CDH2: variants seen among roughly 807,000 people sequenced by gnomAD.
CDH2 encodes the protein cadherin 2.
In CDH2, 17 loss-of-function variants were observed where a neutral mutation model predicts 92.0. That is an observed-to-expected ratio of 0.18 (90% CI 0.13 to 0.28). The LOEUF (loss-of-function observed/expected upper bound fraction) is 0.28. Ranked by LOEUF, CDH2 falls within the 10% of genes least tolerant of loss-of-function variation. The probability of loss-of-function intolerance (pLI) is 1.00; values close to 1 mark genes in which losing one functional copy is unlikely to be tolerated. For synonymous variants in CDH2, 419 were observed against 415.9 expected, an observed-to-expected ratio of 1.01 and a Z score of -0.09; for missense variants, 862 against 1,133.1, an observed-to-expected ratio of 0.76 and a Z score of 3.44.
intron 2 of CDH2, among the ~76,000 whole-genome samples, chr18:28,110,115 T>C (rs2015387239): frequency 2.0e-5 from 3 of 152,206 alleles, no homozygotes; most frequent in Non-Finnish European, 4.4e-5. Context: ...GAACTTGGTG[T>C]TGCCCATGTA....
intron 14 of CDH2, among the ~76,000 whole-genome samples, chr18:27,980,085 C>A (rs770695175): frequency 6.3e-4 from 96 of 152,164 alleles, no homozygotes; most frequent in Admixed American, 2.4e-3. Context: ...AGATCCACAG[C>A]TGCTTTTATC....
Position 28,056,041 on chromosome 18 carries a change from C to A in CDH2, c.173-42132G>T, listed in dbSNP as rs17535692. 1.4e-3 allele frequency among the ~76,000 whole-genome samples: 209 copies of A among 150,970 alleles called. 2 individuals are homozygous for A. The highest frequency in any genetic ancestry group is 4.8e-3 in the African/African-American group (197 of 41,140). The stretch of plus-strand genomic sequence containing the variant: ...ACTCCATATTCGGGGAAAGTAAACA[C>A]GTTTTTGGTAAGTGAAGCTATGAGG... On this transcript the variant is annotated intron_variant, in intron 2 of 15. Coordinates refer to ENST00000269141, the MANE Select transcript of CDH2 (RefSeq NM_001792.5).
rs3833200 is a variant in CDH2, at chr18:28,177,057, A to AGGCGGCGGC, written c.-44_-36dup. 1,114 of 1,302,440 alleles carry AGGCGGCGGC rather than the reference A, an allele frequency of 8.6e-4. 7 individuals are homozygous for AGGCGGCGGC. The highest frequency in any genetic ancestry group is 5.1e-3 in the African/African-American group (323 of 63,050). 80.7% of individuals were successfully genotyped at this position (1,302,440 alleles called of 1,614,324 possible). A position where few individuals can be genotyped will look rare whatever the true frequency, so the allele number is the denominator to read the frequency against. On this transcript the variant is annotated 5_prime_UTR_variant, in exon 1 of 16. Transcript: ENST00000269141. ...GAGGGGCCGAGCGAAGAGCCGGAGG[A>AGGCGGCGGC]GGCGGCGGCGGCGGCGGCGGCGGCG...
intron 2 of CDH2, among the ~76,000 whole-genome samples, chr18:28,057,398 G>A (rs1259692022): frequency 2.6e-5 from 4 of 152,318 alleles, no homozygotes; most frequent in South Asian, 2.1e-4. Context: ...AGGCAAGGTG[G>A]CTCACGCCTG....
intron 2 of CDH2, among the ~76,000 whole-genome samples, chr18:28,059,781 T>C (rs1055885652): frequency 1.3e-5 from 2 of 152,250 alleles, no homozygotes; most frequent in African/African-American, 4.8e-5. Flanking sequence ...ATGTATATTA[T>C]ATATCTGAAC....
At chr18:28,100,137 C>T (rs765874377) in intron 2 of CDH2, among the ~76,000 whole-genome samples, 1 of 152,112 alleles carries the variant, frequency 6.6e-6, no homozygotes, top group Non-Finnish European at 1.5e-5. Context: ...CATGGGGTGC[C>T]TGGGTATTTG....
In CDH2 at chr18:27,985,041, C is replaced by A; in HGVS notation, c.2168G>T (p.Gly723Val). Residue 723 changes from glycine to valine, a missense_variant, in exon 13 of 16, where the codon GGT becomes GTT. Gly to Val is a moderately radical substitution (Grantham distance 109). Around this residue, in one of 5 missense-constraint regions of CDH2, gnomAD observed 564 missense variants for 722.2 expected, o/e 0.78. Transcript: ENST00000269141. The stretch of plus-strand genomic sequence containing the variant: ...GCAGAGCAGGATGGCAATGATGGCA[C>A]CGGTGCCAAGCCCCGCACCCACAAT... ...DRIVGAGLGT[G>V]AIIAILLCII... 1 of 1,614,046 alleles carries A rather than the reference C, an allele frequency of 6.2e-7. No individual in the cohort carries two copies. The highest frequency in any genetic ancestry group is 8.5e-7 in the Non-Finnish European group (1 of 1,179,902).
chr18:28,026,212 T>G (rs539839495), intron 2 of CDH2, among the ~76,000 whole-genome samples: 1 of 152,312 alleles, frequency 6.6e-6, no homozygotes, highest in South Asian at 2.1e-4. Flanking sequence ...ATTCTTCTAC[T>G]TCCCCCTGGG....
intron 15 of CDH2, among the ~76,000 whole-genome samples, chr18:27,957,349 A>G (rs1007283020): frequency 2.0e-5 from 3 of 152,116 alleles, no homozygotes; most frequent in African/African-American, 7.2e-5. Context: ...TCCTGGGCTC[A>G]GGTGATCCTC....
At chr18:27,968,866 C>A (rs370387198) in intron 14 of CDH2, among the ~76,000 whole-genome samples, 3 of 152,028 alleles carry the variant, frequency 2.0e-5, no homozygotes, top group Non-Finnish European at 4.4e-5. Flanking sequence ...AAGCTGACTG[C>A]GGCACAGGCA....
In CDH2 at chr18:28,093,214, G is replaced by A. The variant is rs375271902; in HGVS notation, c.172+54459C>T. 7.2e-5 allele frequency among the ~76,000 whole-genome samples: 11 copies of A among 152,156 alleles called. No homozygotes were observed. The East Asian group carries it at 1.9e-3, about 27-fold the overall frequency. On this transcript the variant is annotated intron_variant, in intron 2 of 15. Transcript: ENST00000269141. Reference sequence around the variant, plus strand: ...TCATATATAGCTATACAGATAGATGGATATATACACACACAAAATCTGGCA... The same window carrying A: ...TCATATATAGCTATACAGATAGATGAATATATACACACACAAAATCTGGCA...
At chr18:28,101,907 T>C (rs2015232771) in intron 2 of CDH2, among the ~76,000 whole-genome samples, 1 of 152,142 alleles carries the variant, frequency 6.6e-6, no homozygotes, top group African/African-American at 2.4e-5. Context: ...ATTAACCACT[T>C]GCGCACCTGT....
At chr18:28,078,482 T>C (rs2014766898) in intron 2 of CDH2, among the ~76,000 whole-genome samples, 1 of 152,022 alleles carries the variant, frequency 6.6e-6, no homozygotes, top group South Asian at 2.1e-4. Context: ...GGTGACTCAT[T>C]AGGATACTGA....
At chr18:27,986,290 G>T (rs2012231029) in intron 11 of CDH2, among the ~76,000 whole-genome samples, 1 of 152,134 alleles carries the variant, frequency 6.6e-6, no homozygotes, top group Admixed American at 6.6e-5. Context: ...GAAGAGAAAT[G>T]ATATTTACTA....
At chr18:28,016,837 C>T (rs953291801) in intron 2 of CDH2, among the ~76,000 whole-genome samples, 21 of 151,960 alleles carry the variant, frequency 1.4e-4, no homozygotes, top group African/African-American at 4.8e-4. Context: ...CAGTAAATAG[C>T]GCATTAAAAA....
In CDH2 at chr18:28,014,017, A is replaced by G. The variant is rs183905433; in HGVS notation, c.173-108T>C. On this transcript the variant is annotated intron_variant, in intron 2 of 15. Transcript: ENST00000269141. ...TGCTTAGGTTAAAGGATAAAAATACAGTAGCATGAAACACAGAAGTTTTAT... is the reference window on the plus strand; with the variant it reads ...TGCTTAGGTTAAAGGATAAAAATACGGTAGCATGAAACACAGAAGTTTTAT... 2.3e-4 allele frequency: 164 copies of G among 704,422 alleles called. 2 individuals are homozygous for G. In the East Asian group the frequency reaches 2.9e-3, roughly 13 times the overall value. 43.6% of individuals were successfully genotyped at this position (704,422 alleles called of 1,614,324 possible). A position where few individuals can be genotyped will look rare whatever the true frequency, so the allele number is the denominator to read the frequency against.
At chr18:27,944,327 T>C (rs1423693282) in intron 6 of CDH2, among the ~76,000 whole-genome samples, 3 of 152,192 alleles carry the variant, frequency 2.0e-5, no homozygotes, top group African/African-American at 7.2e-5. Flanking sequence ...TGTTCCTTAG[T>C]TGCAGAGAAA....
chr18:27,953,474 GCTA>G (rs572924313), intron 15 of CDH2, among the ~76,000 whole-genome samples: 119 of 152,190 alleles, frequency 7.8e-4, no homozygotes, highest in African/African-American at 2.7e-3. Flanking sequence ...CTTGTCAAAT[GCTA>G]GTTGGCTTAT....
At chr18:27,999,169 A>T in intron 7 of CDH2, among the ~76,000 whole-genome samples, 1 of 152,230 alleles carries the variant, frequency 6.6e-6, no homozygotes, top group South Asian at 2.1e-4. Context: ...AGAATAGAAA[A>T]CTTCCTATTT....
Sources: allele counts gnomAD v4.1 joint callset (sites outside exome capture counted in the v4.1 genomes callset), GRCh38; gene constraint gnomAD v4.1.1; regional missense constraint gnomAD v4.1.1; transcripts MANE v1.5; gene names NCBI Gene and HGNC (gene_info 2026-07-23, HGNC 2026-07-21).